Variants in ZDHHC15 observed in about 807,000 individuals in gnomAD.
The protein encoded by ZDHHC15 is zDHHC palmitoyltransferase 15.
ZDHHC15 carries 19 observed loss-of-function variants against 31.7 expected under a neutral mutation model. That is an observed-to-expected ratio of 0.60 (90% confidence interval 0.42 to 0.88). ZDHHC15 has a LOEUF of 0.88. Among genes scored for constraint, ZDHHC15 ranks in the 40% least tolerant of loss-of-function variants. The pLI is 0.00. For synonymous variants in ZDHHC15, 103 were observed against 90.0 expected (o/e 1.14, Z -0.82); for missense variants, 209 against 251.2 (o/e 0.83, Z 1.14).
chrX:75,475,754 A>T (rs1163859527), intron 3 of ZDHHC15, among the ~76,000 whole-genome samples: 1 of 112,002 alleles, frequency 8.9e-6, no homozygotes, highest in African/African-American at 3.2e-5. Context: ...CTGCAAAAAA[A>T]AGATCATTGG....
chrX:75,404,147 A>G (rs751842038), intron 10 of ZDHHC15, among the ~76,000 whole-genome samples: 2 of 112,000 alleles, frequency 1.8e-5, no homozygotes, highest in South Asian at 7.5e-4. Context: ...TATTCAATAA[A>G]TGGTGCTGGG....
intron 2 of ZDHHC15, among the ~76,000 whole-genome samples, chrX:75,500,330 T>C (rs1458730495): frequency 1.8e-5 from 2 of 109,992 alleles, no homozygotes. Context: ...TATGAAATAC[T>C]CGGAGATCAT....
rs148820129 is a variant in ZDHHC15 at position 75,497,773 on chromosome X, G to A, written c.163+8048C>T. Among the ~76,000 whole-genome samples, 153 of 110,687 alleles carry A rather than the reference G, an allele frequency of 1.4e-3. 2 individuals are homozygous for A. The highest frequency in any genetic ancestry group is 4.9e-3 in the African/African-American group (148 of 30,440). On this transcript the variant is annotated intron_variant, in intron 2 of 11. Coordinates refer to ENST00000373367, the MANE Select transcript of ZDHHC15 (RefSeq NM_144969.3). Reference sequence around the variant, plus strand: ...CAGAAAAAGCATTTGATGAAATCCCGCATCCCTTTATGATTAAAACCCTCA... The same window carrying A: ...CAGAAAAAGCATTTGATGAAATCCCACATCCCTTTATGATTAAAACCCTCA...
chrX:75,489,654 A>T (rs1235104190), intron 2 of ZDHHC15, among the ~76,000 whole-genome samples: 2 of 112,177 alleles, frequency 1.8e-5, no homozygotes, highest in African/African-American at 6.5e-5. Context: ...AACAGAGCAG[A>T]AAAACTGAAA....
At chrX:75,401,042 A>C (rs2083350634) in intron 10 of ZDHHC15, among the ~76,000 whole-genome samples, 2 of 111,268 alleles carry the variant, frequency 1.8e-5, no homozygotes, top group South Asian at 7.8e-4. Context: ...GGATGCTGAC[A>C]GAACAAATGT....
At chrX:75,400,544 T>C (rs2083345219) in intron 10 of ZDHHC15, among the ~76,000 whole-genome samples, 1 of 111,825 alleles carries the variant, frequency 8.9e-6, no homozygotes, top group South Asian at 3.8e-4. Flanking sequence ...AGCAAATAAT[T>C]TGGAAAATAC....
chrX:75,391,199 GA>G (rs1331452022), intron 10 of ZDHHC15, among the ~76,000 whole-genome samples: 31 of 111,361 alleles, frequency 2.8e-4, no homozygotes, highest in Non-Finnish European at 5.3e-4. Flanking sequence ...AAGGAATAAA[GA>G]AAAAAGCACA....
At chrX:75,464,466 A>C (rs1394573707) in intron 3 of ZDHHC15, among the ~76,000 whole-genome samples, 1 of 111,360 alleles carries the variant, frequency 9.0e-6, no homozygotes, top group Non-Finnish European at 1.9e-5. Context: ...TAAACTCACA[A>C]AAAATAAAAA....
At chrX:75,399,863 A>C (rs900195671) in intron 10 of ZDHHC15, among the ~76,000 whole-genome samples, 1 of 111,499 alleles carries the variant, frequency 9.0e-6, no homozygotes, top group Admixed American at 9.5e-5. Context: ...AACACCAAAA[A>C]TTCATCACTA....
At chrX:75,492,783 T>G (rs1210943586) in intron 2 of ZDHHC15, among the ~76,000 whole-genome samples, 1 of 111,599 alleles carries the variant, frequency 9.0e-6, no homozygotes, top group Admixed American at 9.5e-5. Context: ...TTCAAAGCAG[T>G]GTGTAGAGGG....
intron 9 of ZDHHC15, among the ~76,000 whole-genome samples, chrX:75,418,518 C>A (rs758567510): frequency 3.6e-5 from 4 of 112,188 alleles, no homozygotes; most frequent in African/African-American, 1.3e-4. Flanking sequence ...ACTTTCCCTG[C>A]ATAATTGTTG....
intron 4 of ZDHHC15, among the ~76,000 whole-genome samples, chrX:75,433,689 G>A (rs1164552031): frequency 8.3e-5 from 1 of 11,985 alleles, no homozygotes; most frequent in African/African-American, 1.1e-4. Context: ...GTGTGTGTGT[G>A]TGTGTGTGTA....
chrX:75,481,941 C>T (rs1466719185), intron 2 of ZDHHC15, among the ~76,000 whole-genome samples: 1 of 112,149 alleles, frequency 8.9e-6, no homozygotes, highest in Non-Finnish European at 1.9e-5. Context: ...TATTTGAGTT[C>T]ATTGCTTCAC....
chrX:75,478,847 C>T (rs2084645334), intron 3 of ZDHHC15, 44 bp downstream of exon 3: 1 of 1,032,940 alleles, frequency 9.7e-7, no homozygotes, highest in African/African-American at 1.9e-5. Context: ...GTCACTTCTA[C>T]TTTTTTCTGT....
intron 11 of ZDHHC15, among the ~76,000 whole-genome samples, chrX:75,374,291 G>A (rs1225461448): frequency 2.7e-5 from 3 of 109,616 alleles, no homozygotes; most frequent in African/African-American, 1.0e-4. Flanking sequence ...GATATACCAC[G>A]GGTTGATGGG....
rs954561779 is a variant in ZDHHC15, at chrX:75,458,559, C to G, written c.259-7637G>C. ...AATTGAAAACATATAAAATCAAACA[C>G]TGTGTTTTAAGAACCACACCTAGTG... is the stretch of plus-strand genomic sequence containing the variant. On this transcript the variant is annotated intron_variant, in intron 3 of 11. Coordinates refer to ENST00000373367, the MANE Select transcript of ZDHHC15 (RefSeq NM_144969.3). 1.4e-4 allele frequency among the ~76,000 whole-genome samples: 15 copies of G among 111,027 alleles called. 1 individual carries two copies. The highest frequency in any genetic ancestry group is 1.2e-3 in the Admixed American group (13 of 10,413).
At chrX:75,522,711 T>C (rs956821162) in intron 1 of ZDHHC15, among the ~76,000 whole-genome samples, 178 bp downstream of exon 1, 3 of 108,882 alleles carry the variant, frequency 2.8e-5, no homozygotes, top group Non-Finnish European at 5.7e-5. Context: ...GGGACCCTGG[T>C]GGGAGGGCGC....
chrX:75,477,855 T>A (rs1287422070), intron 3 of ZDHHC15, among the ~76,000 whole-genome samples: 5 of 112,300 alleles, frequency 4.5e-5, no homozygotes, highest in Non-Finnish European at 9.4e-5. Context: ...CATTTATGTT[T>A]CAAGTAATTA....
intron 10 of ZDHHC15, among the ~76,000 whole-genome samples, chrX:75,395,318 C>CA (rs900348034): frequency 2.4e-4 from 26 of 110,293 alleles, no homozygotes; most frequent in South Asian, 3.8e-4. Context: ...AAAGATTCCA[C>CA]AAAAAAAACA....
Sources: gnomAD v4.1 joint callset for allele counts (sites outside exome capture counted in the v4.1 genomes callset) on GRCh38, gnomAD v4.1.1 for gene constraint, MANE v1.5 for transcripts, NCBI Gene and HGNC (gene_info 2026-07-23, HGNC 2026-07-21) for gene names.